Variants in CAND2 observed in about 807,000 individuals in gnomAD.
CAND2 encodes cullin associated and neddylation dissociated 2 (putative).
A neutral mutation model predicts 98.9 loss-of-function variants in CAND2; 62 were observed. The ratio of observed to expected loss-of-function variants is 0.63; its 90% CI spans 0.51 to 0.77. The LOEUF is 0.77. CAND2 is among the 30% of genes least tolerant of loss of function. The probability of loss-of-function intolerance (pLI) is 0.00; values close to 1 mark genes in which losing one functional copy is unlikely to be tolerated. For synonymous variants in CAND2, 770 were observed against 731.9 expected, an observed-to-expected ratio of 1.05 and a Z score of -0.84; for missense variants, 1,501 against 1,655.2, an observed-to-expected ratio of 0.91 and a Z score of 1.62.
chr3:12,817,157 G>A lies in CAND2; in HGVS notation c.2225G>A (p.Arg742Gln), dbSNP rs186408122. ...GGCCCTGTGCTCTCAGAGCTGCTGC[G>A]GCTGCTGCGTTCGCCCCTGTTGCCA... is the stretch of plus-strand genomic sequence containing the variant. The part of the protein sequence containing the change: ...VSGPVLSELL[R>Q]LLRSPLLPAG... The change falls in exon 10 of 15, where the codon CGG becomes CAG. Residue 742 changes from arginine (R) to glutamine (Q), a missense_variant. This residue lies in a region of CAND2 where 1,427 missense variants were observed against 1,545.3 expected (regional missense o/e 0.92). Transcript: ENST00000456430. The A allele has an allele frequency of 5.6e-6, 9 of 1,612,866 alleles. No individual in the cohort carries two copies. Among genetic ancestry groups the A allele is most frequent in the Middle Eastern group, 1.7e-4 (1 of 6,060 alleles).
intron 11 of CAND2, among the ~76,000 whole-genome samples, chr3:12,824,038 GCTCATGC>G (rs57972462): frequency 1.4e-4 from 21 of 152,200 alleles, no homozygotes; most frequent in African/African-American, 4.6e-4. Flanking sequence ...GGGCGTAATG[GCTCATGC>G]CTGTAATCCC....
chr3:12,820,573 CGG>C (rs1244923822), intron 11 of CAND2, among the ~76,000 whole-genome samples: 1 of 152,222 alleles, frequency 6.6e-6, no homozygotes, highest in African/African-American at 2.4e-5. Context: ...TTAGCTTTTG[CGG>C]GCCCCAAAGT....
chr3:12,801,230 G>A (rs559602607), intron 1 of CAND2, among the ~76,000 whole-genome samples: 1 of 151,660 alleles, frequency 6.6e-6, no homozygotes, highest in East Asian at 1.9e-4. Flanking sequence ...TAGAGACAGG[G>A]TTTCACCATA....
intron 5 of CAND2, among the ~76,000 whole-genome samples, chr3:12,810,856 C>T (rs1019417974): frequency 6.6e-6 from 1 of 152,192 alleles, no homozygotes; most frequent in Non-Finnish European, 1.5e-5. Flanking sequence ...TGTGTATATC[C>T]GTGAAACCTT....
chr3:12,825,713 A>G, intron 12 of CAND2, 74 bp downstream of exon 12: 1 of 1,457,360 alleles, frequency 6.9e-7, no homozygotes. Flanking sequence ...TTAGGGCATT[A>G]TTATCTCATC....
chr3:12,815,239 C>T lies in CAND2; in HGVS notation c.1105C>T (p.Leu369=), dbSNP rs750422743. 5.0e-6 allele frequency: 8 copies of T among 1,613,780 alleles called. No individual in the cohort carries two copies. Among genetic ancestry groups the T allele is most frequent in the Admixed American group, 3.3e-5 (2 of 60,006 alleles). Residue 369 remains leucine (L), a synonymous_variant, in exon 8 of 15, where the codon CTG becomes TTG. Transcript: ENST00000456430. This position sits in a 1 kb window ranked among gnomAD's most constrained non-coding sequence, Gnocchi z 5.7. ...AGCCTTGATCAGCTCGCGGCCTGACCTGCTGCCCGATTTCCACTGCACCCT... is the reference window on the plus strand; with the variant it reads ...AGCCTTGATCAGCTCGCGGCCTGACTTGCTGCCCGATTTCCACTGCACCCT... The part of the protein sequence containing the change: ...IAALISSRPD[L]LPDFHCTLAP...
In CAND2 at chr3:12,816,717, G is replaced by A. The variant is rs768629448; in HGVS notation, c.1785G>A (p.Met595Ile). 13 of 1,613,656 alleles carry A rather than the reference G, an allele frequency of 8.1e-6. No individual in the cohort carries two copies. Among genetic ancestry groups the A allele is most frequent in the South Asian group, 1.1e-5 (1 of 91,086 alleles). The stretch of plus-strand genomic sequence containing the variant: ...TGAAGGAGCGGGCCATTTCCTGCAT[G>A]GGCCACCTTGTAGGCCACCTGGGTG... ...QEVKERAISC[M>I]GHLVGHLGDR... The change falls in exon 10 of 15, where the codon ATG becomes ATA. Residue 595 changes from methionine (M) to isoleucine (I), a missense_variant. Physicochemically the swap from Met to Ile is conservative, Grantham distance 10. Coordinates refer to ENST00000456430, the MANE Select transcript of CAND2 (RefSeq NM_001162499.2).
chr3:12,822,615 G>C (rs760481518), intron 11 of CAND2, among the ~76,000 whole-genome samples: 1 of 152,020 alleles, frequency 6.6e-6, no homozygotes, highest in Non-Finnish European at 1.5e-5. Context: ...ATTCTCTTAA[G>C]TGTATCCTTG....
rs747659026 is a variant in CAND2 at position 12,815,551 on chromosome 3, AG to A, written c.1299+122del. On this transcript the variant is annotated intron_variant, in intron 8 of 14. Transcript: ENST00000456430. This position sits in a 1 kb window ranked among gnomAD's most constrained non-coding sequence, Gnocchi z 5.7. The stretch of plus-strand genomic sequence containing the variant: ...ACATCCAGCCATGGAAGGGAAGGGA[AG>A]GGGTCCCTGGGGTGGGGGGCGGGAG... 1.1e-3 allele frequency: 1,073 copies of A among 968,768 alleles called. No individual in the cohort carries two copies. Among genetic ancestry groups the A allele is most frequent in the Non-Finnish European group, 1.4e-3 (956 of 676,092 alleles). 60.0% of individuals were successfully genotyped at this position (968,768 alleles called of 1,614,324 possible).
At chr3:12,820,531 G>A (rs1305459037) in intron 11 of CAND2, among the ~76,000 whole-genome samples, 16 of 152,206 alleles carry the variant, frequency 1.1e-4, no homozygotes. Flanking sequence ...ATAGACTCTT[G>A]GGAATGGAAA....
chr3:12,805,314 G>A (rs2061798694), intron 2 of CAND2, among the ~76,000 whole-genome samples: 1 of 147,562 alleles, frequency 6.8e-6, no homozygotes, highest in East Asian at 2.0e-4. Context: ...TTGAAACAGA[G>A]TCTCACTTTG....
At chr3:12,830,733 A>G (rs2124875561) in intron 13 of CAND2, among the ~76,000 whole-genome samples, 1 of 152,294 alleles carries the variant, frequency 6.6e-6, no homozygotes, top group South Asian at 2.1e-4. Context: ...CACAGGGGAG[A>G]CGGAATCTTG....
intron 7 of CAND2, among the ~76,000 whole-genome samples, chr3:12,814,089 TAGAG>T (rs2061876849): frequency 1.3e-5 from 2 of 152,162 alleles, no homozygotes; most frequent in Admixed American, 6.5e-5. Flanking sequence ...TTGTCAGTAA[TAGAG>T]AGCTAAGGAT....
At chr3:12,813,601 A>C (rs2061872740) in intron 7 of CAND2, among the ~76,000 whole-genome samples, 1 of 152,226 alleles carries the variant, frequency 6.6e-6, no homozygotes, top group East Asian at 1.9e-4. Context: ...TGTGTTCCTC[A>C]CAATAACCCT....
At chr3:12,805,583 C>T (rs2061800751) in intron 2 of CAND2, among the ~76,000 whole-genome samples, 1 of 152,148 alleles carries the variant, frequency 6.6e-6, no homozygotes, top group Admixed American at 6.6e-5. Context: ...CCACCACACC[C>T]AGCCAGGATT....
chr3:12,826,893 C>A (rs1348235136), intron 12 of CAND2, among the ~76,000 whole-genome samples: 1 of 149,294 alleles, frequency 6.7e-6, no homozygotes, highest in Admixed American at 6.7e-5. Context: ...TGCAGTGGCG[C>A]GATCTCAGCT....
At chr3:12,814,210 C>A (rs1392156988) in intron 7 of CAND2, among the ~76,000 whole-genome samples, 2 of 152,210 alleles carry the variant, frequency 1.3e-5, no homozygotes, top group Admixed American at 1.3e-4. Flanking sequence ...AGACACCACC[C>A]TGTGGGTCCA....
rs1190553256 is a variant in CAND2 at position 12,812,972 on chromosome 3, A to G, written c.758-18A>G. On this transcript the variant is annotated intron_variant, in intron 5 of 14. Transcript: ENST00000456430. ...GAGAGTGTCTGGCTTGGGTTCAGTG[A>G]TCCACCTGGCCCTGCAGGGGCTCAC... 1.3e-6 allele frequency: 2 copies of G among 1,514,696 alleles called. No homozygotes were observed. The highest frequency in any genetic ancestry group is 1.8e-6 in the Non-Finnish European group (2 of 1,111,964). The allele number at this position is 1,514,696 out of a possible 1,614,324, so 93.8% of individuals were successfully genotyped here.
intron 13 of CAND2, 77 bp downstream of exon 13, chr3:12,827,681 T>C: frequency 2.2e-6 from 3 of 1,378,376 alleles, no homozygotes; most frequent in Non-Finnish European, 3.0e-6. Context: ...CCATGCTTGT[T>C]TGTCCTTGCT....
Sources: allele counts gnomAD v4.1 joint callset (sites outside exome capture counted in the v4.1 genomes callset), GRCh38; gene constraint gnomAD v4.1.1; regional missense constraint gnomAD v4.1.1; non-coding constraint Gnocchi (gnomAD v3.1); transcripts MANE v1.5; gene names NCBI Gene and HGNC (gene_info 2026-07-23, HGNC 2026-07-21).